The following CNTLN variants were observed in gnomAD, a reference collection of about 807,000 sequenced individuals.
CNTLN encodes the protein centlein, centrosomal protein.
A neutral mutation model predicts 180.0 loss-of-function variants in CNTLN; 212 were observed. The ratio of observed to expected loss-of-function variants is 1.18; its 90% confidence interval spans 1.05 to 1.32. CNTLN has a LOEUF of 1.32. Ranked by LOEUF, CNTLN falls within the 40% of genes most tolerant of loss-of-function variation. The pLI is 0.00. For synonymous variants in CNTLN, 722 were observed against 563.1 expected (o/e 1.28, Z -3.99); for missense variants, 2,095 against 1,610.9 (o/e 1.30, Z -5.14).
chr9:17,329,380 G>C (rs546822433), intron 8 of CNTLN, among the ~76,000 whole-genome samples: 1 of 152,060 alleles, frequency 6.6e-6, no homozygotes, highest in South Asian at 2.1e-4. Context: ...GGGGATAAAA[G>C]AATAGGGCAA....
intron 5 of CNTLN, among the ~76,000 whole-genome samples, chr9:17,248,628 A>G (rs1464571585): frequency 6.7e-6 from 1 of 149,530 alleles, no homozygotes; most frequent in African/African-American, 2.4e-5. Context: ...AACTAAGAAA[A>G]TCAATAATAG....
chr9:17,390,146 T>C (rs540912699), intron 14 of CNTLN, among the ~76,000 whole-genome samples: 3 of 152,186 alleles, frequency 2.0e-5, no homozygotes, highest in East Asian at 3.9e-4. Context: ...TACTCTGTTA[T>C]ACTTTATTAT....
intron 5 of CNTLN, among the ~76,000 whole-genome samples, chr9:17,261,087 G>A (rs533681243): frequency 5.3e-5 from 8 of 151,444 alleles, no homozygotes; most frequent in Non-Finnish European, 7.4e-5. Flanking sequence ...TAGCCCTGTA[G>A]TATAGTTTGA....
intron 6 of CNTLN, 129 bp downstream of exon 6, chr9:17,273,995 A>G (rs999593825): frequency 2.7e-6 from 2 of 729,416 alleles, no homozygotes; most frequent in South Asian, 2.7e-5. Context: ...ATGTTTGTGC[A>G]TTGAGAATCT....
intron 15 of CNTLN, among the ~76,000 whole-genome samples, chr9:17,408,178 A>G (rs1000073838): frequency 2.6e-5 from 4 of 151,310 alleles, no homozygotes; most frequent in African/African-American, 9.7e-5. Context: ...GCATCTCAAA[A>G]GTATATACGT....
At chr9:17,414,436 C>T (rs189929913) in intron 16 of CNTLN, among the ~76,000 whole-genome samples, 1 of 152,156 alleles carries the variant, frequency 6.6e-6, no homozygotes, top group African/African-American at 2.4e-5. Flanking sequence ...GATATTAGTA[C>T]TTCAATTGGT....
chr9:17,420,742 G>T (rs1043755398), intron 18 of CNTLN, among the ~76,000 whole-genome samples: 1 of 151,686 alleles, frequency 6.6e-6, no homozygotes, highest in African/African-American at 2.4e-5. Flanking sequence ...CATAGGTCTT[G>T]GTATGTTGTG....
At chr9:17,277,343 G>A (rs1184427495) in intron 6 of CNTLN, among the ~76,000 whole-genome samples, 1 of 152,054 alleles carries the variant, frequency 6.6e-6, no homozygotes, top group African/African-American at 2.4e-5. Flanking sequence ...AGTCAAGACA[G>A]TGCAGTCATA....
At chr9:17,497,797 G>A (rs1410764833) in intron 25 of CNTLN, among the ~76,000 whole-genome samples, 1 of 152,102 alleles carries the variant, frequency 6.6e-6, no homozygotes, top group East Asian at 1.9e-4. Context: ...CTTTCTGATA[G>A]CATTCTTGAT....
intron 2 of CNTLN, among the ~76,000 whole-genome samples, chr9:17,196,028 T>G (rs1822107538): frequency 6.6e-6 from 1 of 152,088 alleles, no homozygotes; most frequent in Non-Finnish European, 1.5e-5. Context: ...TTTATTATTA[T>G]TTTTTACTTT....
At chr9:17,502,265 C>CT (rs1460212432) in intron 25 of CNTLN, among the ~76,000 whole-genome samples, 1 of 152,188 alleles carries the variant, frequency 6.6e-6, no homozygotes, top group Admixed American at 6.5e-5. Flanking sequence ...AATGGCTTAG[C>CT]TGCTTGTATT....
intron 2 of CNTLN, among the ~76,000 whole-genome samples, chr9:17,159,476 C>T (rs975459198): frequency 3.3e-5 from 5 of 152,164 alleles, no homozygotes; most frequent in East Asian, 1.9e-4. Context: ...GCATGACACC[C>T]GTGCATCACA....
chr9:17,139,552 TG>T (rs1392920512), intron 1 of CNTLN, among the ~76,000 whole-genome samples: 2 of 151,436 alleles, frequency 1.3e-5, no homozygotes, highest in Non-Finnish European at 2.9e-5. Context: ...CCCAGCTACA[TG>T]GGAAGCTGAG....
intron 5 of CNTLN, among the ~76,000 whole-genome samples, chr9:17,267,031 C>A (rs191403489): frequency 7.2e-5 from 11 of 152,228 alleles, no homozygotes; most frequent in African/African-American, 1.7e-4. Flanking sequence ...GCATGTTGCC[C>A]ATTTACATTT....
At chr9:17,452,071 T>C (rs1213900555) in intron 18 of CNTLN, among the ~76,000 whole-genome samples, 1 of 152,212 alleles carries the variant, frequency 6.6e-6, no homozygotes, top group East Asian at 1.9e-4. Context: ...GTTCGTTGAA[T>C]AGGCAGATAT....
intron 6 of CNTLN, among the ~76,000 whole-genome samples, chr9:17,291,935 G>T (rs990082567): frequency 2.0e-5 from 3 of 152,128 alleles, no homozygotes; most frequent in Non-Finnish European, 2.9e-5. Context: ...AGTGGCTAGT[G>T]GTGGTTTTTC....
chr9:17,290,060 G>C (rs527692468), intron 6 of CNTLN, among the ~76,000 whole-genome samples: 7 of 152,294 alleles, frequency 4.6e-5, no homozygotes, highest in African/African-American at 1.4e-4. Flanking sequence ...GAGGAACTGC[G>C]TTCCTTTGGA....
intron 2 of CNTLN, among the ~76,000 whole-genome samples, chr9:17,193,018 A>G (rs1821890556): frequency 6.6e-6 from 1 of 152,138 alleles, no homozygotes; most frequent in Admixed American, 6.5e-5. Context: ...GAAAACGTGG[A>G]AACCCCTGAT....
chr9:17,186,435 A>T (rs928262479), intron 2 of CNTLN, among the ~76,000 whole-genome samples: 13 of 152,198 alleles, frequency 8.5e-5, no homozygotes, highest in South Asian at 4.1e-4. Flanking sequence ...GATTTTCTCA[A>T]TTGAGGACAT....
Sources: gnomAD v4.1 joint callset for allele counts (sites outside exome capture counted in the v4.1 genomes callset) on GRCh38, gnomAD v4.1.1 for gene constraint, MANE v1.5 for transcripts, NCBI Gene and HGNC (gene_info 2026-07-23, HGNC 2026-07-21) for gene names.